Variants in CCDC117 observed in about 807,000 individuals in gnomAD.
CCDC117 encodes the protein coiled-coil domain containing 117.
A neutral mutation model predicts 23.5 loss-of-function variants in CCDC117; 1 was observed. The ratio of observed to expected loss-of-function variants is 0.04; its 90% confidence interval spans 0.02 to 0.20. The LOEUF is 0.20. Ranked by LOEUF, CCDC117 falls within the 10% of genes least tolerant of loss-of-function variation. The pLI is 1.00. For missense variants in CCDC117, 383 were observed against 348.2 expected, an observed-to-expected ratio of 1.10 and a Z score of -0.80; for synonymous variants, 132 against 124.8, an observed-to-expected ratio of 1.06 and a Z score of -0.39.
intron 2 of CCDC117, among the ~76,000 whole-genome samples, chr22:28,776,366 C>G (rs940765940): frequency 6.6e-6 from 1 of 152,140 alleles, no homozygotes; most frequent in African/African-American, 2.4e-5. Context: ...TGCACTCCAT[C>G]CTAGGTGACA....
intron 3 of CCDC117, 81 bp from the exon 4 acceptor site, chr22:28,783,427 T>G: frequency 7.2e-7 from 1 of 1,397,640 alleles, no homozygotes; most frequent in Non-Finnish European, 9.8e-7. Flanking sequence ...TTTTTTATTT[T>G]TAAAATTTTG....
intron 2 of CCDC117, 77 bp downstream of exon 2, chr22:28,773,855 G>A: frequency 1.8e-6 from 2 of 1,093,568 alleles, no homozygotes; most frequent in Non-Finnish European, 2.8e-6. Context: ...TTACTTAAGT[G>A]AAAAGGTGAA....
intron 4 of CCDC117, among the ~76,000 whole-genome samples, chr22:28,784,414 AAGTT>A (rs2031449745): frequency 6.6e-6 from 1 of 152,336 alleles, no homozygotes; most frequent in Admixed American, 6.5e-5. Context: ...AATAGTAAGG[AAGTT>A]AGTTATAAAG....
In CCDC117 at chr22:28,788,751, T is replaced by C. The variant is rs1362217482; in HGVS notation, c.*2425T>C. Reference sequence around the variant, plus strand: ...GTCCCAATGCCTCTGCTTTTTGTTTTACTTTTGTAGCATAAGGTTTTTGCT... The same window carrying C: ...GTCCCAATGCCTCTGCTTTTTGTTTCACTTTTGTAGCATAAGGTTTTTGCT... On this transcript the variant is annotated 3_prime_UTR_variant, in exon 5 of 5. Transcript: ENST00000249064. 1.3e-5 allele frequency: 2 copies of C among 152,686 alleles called. No individual in the cohort carries two copies. The highest frequency in any genetic ancestry group is 2.9e-5 in the Non-Finnish European group (2 of 68,054). 9.5% of individuals were successfully genotyped at this position (152,686 alleles called of 1,614,324 possible). A position where few individuals can be genotyped will look rare whatever the true frequency, so the allele number is the denominator to read the frequency against.
chr22:28,778,855 G>C (rs1305940194), intron 2 of CCDC117, among the ~76,000 whole-genome samples: 4 of 152,172 alleles, frequency 2.6e-5, no homozygotes, highest in African/African-American at 9.7e-5. Flanking sequence ...TCTCTATTTA[G>C]AAAGTGGACC....
In CCDC117 at chr22:28,786,347, G is replaced by T; in HGVS notation, c.*21G>T. ...TCTAGAAACCAATTTCTACACTAAA[G>T]TTGTCAAATGTTAGAAGAATCCTGT... On this transcript the variant is annotated 3_prime_UTR_variant, in exon 5 of 5. Coordinates refer to ENST00000249064, the MANE Select transcript of CCDC117 (RefSeq NM_173510.4). 6.5e-7 allele frequency: 1 copy of T among 1,536,332 alleles called. No homozygotes were observed. The highest frequency in any genetic ancestry group is 9.0e-7 in the Non-Finnish European group (1 of 1,112,140).
At chr22:28,784,126 A>G (rs1225651724) in intron 4 of CCDC117, among the ~76,000 whole-genome samples, 1 of 152,248 alleles carries the variant, frequency 6.6e-6, no homozygotes, top group African/African-American at 2.4e-5. Context: ...CTTTAGCAGA[A>G]CTGTTTTGCT....
intron 2 of CCDC117, among the ~76,000 whole-genome samples, chr22:28,779,522 T>G (rs1601423962): frequency 6.6e-6 from 1 of 152,128 alleles, no homozygotes; most frequent in African/African-American, 2.4e-5. Context: ...ATCCCATATT[T>G]TAAAACTATT....
chr22:28,781,517 A>G (rs1466998147), intron 3 of CCDC117, among the ~76,000 whole-genome samples: 1 of 88,540 alleles, frequency 1.1e-5, no homozygotes, highest in African/African-American at 7.2e-5. Flanking sequence ...CGCCCGGCTA[A>G]TTTTTTTGTA....
chr22:28,783,743 T>C, intron 4 of CCDC117, 98 bp downstream of exon 4: 1 of 1,157,526 alleles, frequency 8.6e-7, no homozygotes, highest in Non-Finnish European at 1.2e-6. Flanking sequence ...TCTTTTTATC[T>C]CCTGATCCCC....
At chr22:28,773,690 T>A in intron 1 of CCDC117, 35 bp from the exon 2 acceptor site, 1 of 1,573,220 alleles carries the variant, frequency 6.4e-7, no homozygotes, top group Non-Finnish European at 8.7e-7. Context: ...CTCGAGTACA[T>A]TTCTTAATTG....
At chr22:28,777,622 G>C (rs549813105) in intron 2 of CCDC117, among the ~76,000 whole-genome samples, 65 of 150,168 alleles carry the variant, frequency 4.3e-4, no homozygotes, top group Non-Finnish European at 8.3e-4. Flanking sequence ...CGATTCTCCT[G>C]CCTCAGCCTC....
chr22:28,783,750 C>A, intron 4 of CCDC117, 105 bp downstream of exon 4: 3 of 1,101,238 alleles, frequency 2.7e-6, no homozygotes, highest in South Asian at 1.5e-5. Flanking sequence ...ATCTCCTGAT[C>A]CCCAGGCAAT....
rs1179781447 is a variant in CCDC117 at position 28,781,335 on chromosome 22, G to GT, written c.464+196dup. Reference sequence around the variant, plus strand: ...GTATTCGTTTTTGTTTTTTTGTTTTGTTTTTTTTTTTTTTTTTTTTTTTTT... The same window carrying GT: ...GTATTCGTTTTTGTTTTTTTGTTTTGTTTTTTTTTTTTTTTTTTTTTTTTTT... On this transcript the variant is annotated intron_variant, in intron 3 of 4. Transcript: ENST00000249064. Among the ~76,000 whole-genome samples, 4 of 14,822 alleles carry GT rather than the reference G, an allele frequency of 2.7e-4. 2 individuals are homozygous for GT. The highest frequency in any genetic ancestry group is 4.0e-4 in the Non-Finnish European group (4 of 10,110). 9.7% of individuals were successfully genotyped at this position (14,822 alleles called of 152,430 possible).
Position 28,786,332 on chromosome 22 carries a change from A to G in CCDC117, c.*6A>G, listed in dbSNP as rs1288279753. On this transcript the variant is annotated 3_prime_UTR_variant, in exon 5 of 5. Transcript: ENST00000249064. ...AAGAAGAGATGGAACTCTAGAAACCAATTTCTACACTAAAGTTGTCAAATG... is the reference window on the plus strand; with the variant it reads ...AAGAAGAGATGGAACTCTAGAAACCGATTTCTACACTAAAGTTGTCAAATG... The G allele has an allele frequency of 8.2e-6, 13 of 1,583,908 alleles. No individual in the cohort carries two copies. The East Asian group carries it at 2.2e-4, about 27-fold the overall frequency.
chr22:28,778,415 C>T (rs1040019999), intron 2 of CCDC117, among the ~76,000 whole-genome samples: 1 of 152,084 alleles, frequency 6.6e-6, no homozygotes, highest in Non-Finnish European at 1.5e-5. Context: ...TGAGACCAGC[C>T]TGGCCAACAT....
At chr22:28,777,015 T>C (rs931770321) in intron 2 of CCDC117, among the ~76,000 whole-genome samples, 4 of 151,058 alleles carry the variant, frequency 2.6e-5, no homozygotes, top group African/African-American at 9.7e-5. Context: ...CTACTGTGCC[T>C]GGCCAGTATA....
chr22:28,776,095 CATTAGGCATCCACATTAAAGTCCTG>C (rs2031154698), intron 2 of CCDC117, among the ~76,000 whole-genome samples: 1 of 152,138 alleles, frequency 6.6e-6, no homozygotes, highest in Non-Finnish European at 1.5e-5. Context: ...CCATTAGGAT[CATTAGGCATCCACATTAAAGTCCTG>C]ATTTGGCATC....
intron 4 of CCDC117, among the ~76,000 whole-genome samples, chr22:28,784,552 A>C (rs1029850471): frequency 6.6e-6 from 1 of 152,216 alleles, no homozygotes; most frequent in Non-Finnish European, 1.5e-5. Context: ...CTTTGGATAC[A>C]GTGGAGATGA....
Sources: gnomAD v4.1 joint callset for allele counts (sites outside exome capture counted in the v4.1 genomes callset) on GRCh38, gnomAD v4.1.1 for gene constraint, MANE v1.5 for transcripts, NCBI Gene and HGNC (gene_info 2026-07-23, HGNC 2026-07-21) for gene names.